Variants in MTMR7 observed in about 807,000 individuals in gnomAD.
MTMR7 encodes phosphatidylinositol-3-phosphate phosphatase MTMR7.
A neutral mutation model predicts 81.2 loss-of-function variants in MTMR7; 76 were observed. The ratio of observed to expected loss-of-function variants is 0.94; its 90% CI spans 0.78 to 1.13. The LOEUF is 1.13. MTMR7 is among the 50% of genes most tolerant of loss of function. The pLI, the probability that MTMR7 is intolerant of heterozygous loss-of-function variation, is 0.00. For synonymous variants in MTMR7, 372 were observed against 289.8 expected (o/e 1.28, Z -2.88); for missense variants, 1,044 against 820.0 (o/e 1.27, Z -3.34).
intron 9 of MTMR7, among the ~76,000 whole-genome samples, chr8:17,310,637 A>G (rs748002302): frequency 1.4e-4 from 22 of 152,300 alleles, no homozygotes; most frequent in Non-Finnish European, 1.0e-4. Flanking sequence ...CAATGCTATC[A>G]CAGGTAATTG....
Position 17,368,680 on chromosome 8 carries a change from G to A in MTMR7, c.310+2357C>T, listed in dbSNP as rs938172200. Among the ~76,000 whole-genome samples the A allele has an allele frequency of 5.3e-5, 8 of 152,282 alleles. 1 individual carries two copies. In the South Asian group the frequency reaches 1.7e-3, roughly 32 times the overall value. On this transcript the variant is annotated intron_variant, in intron 3 of 13. Transcript: ENST00000180173. The stretch of plus-strand genomic sequence containing the variant: ...TATAATATGCCCTAATGTTAGCAAT[G>A]CCTTTAACATTACACTGTGAACTGC...
chr8:17,358,467 T>C (rs1819962527), intron 4 of MTMR7, among the ~76,000 whole-genome samples: 2 of 152,190 alleles, frequency 1.3e-5, no homozygotes, highest in Admixed American at 6.5e-5. Flanking sequence ...TATTTTCACA[T>C]ACCTCTGTCA....
chr8:17,303,010 C>T (rs908389031), intron 12 of MTMR7, among the ~76,000 whole-genome samples: 1 of 151,964 alleles, frequency 6.6e-6, no homozygotes, highest in Non-Finnish European at 1.5e-5. Flanking sequence ...CACGCCTGAC[C>T]AATAAATCCC....
chr8:17,412,284 T>C (rs2157643), intron 1 of MTMR7, among the ~76,000 whole-genome samples: 7,597 of 152,144 alleles, frequency 0.05, 280 homozygotes, highest in Non-Finnish European at 0.075. Flanking sequence ...CCCTCTTAAA[T>C]GTGTGGGATC....
intron 3 of MTMR7, among the ~76,000 whole-genome samples, chr8:17,368,454 G>A (rs1308798902): frequency 6.6e-6 from 1 of 152,140 alleles, no homozygotes; most frequent in Non-Finnish European, 1.5e-5. Flanking sequence ...AGAATTCAAA[G>A]TACACCTCCC....
At chr8:17,343,503 G>T (rs1648082554) in intron 5 of MTMR7, among the ~76,000 whole-genome samples, 1 of 152,144 alleles carries the variant, frequency 6.6e-6, no homozygotes, top group African/African-American at 2.4e-5. Flanking sequence ...GTTAGATGGG[G>T]ATGGTAACAC....
intron 7 of MTMR7, among the ~76,000 whole-genome samples, chr8:17,328,166 G>C (rs1206051519): frequency 6.6e-6 from 1 of 152,176 alleles, no homozygotes; most frequent in Non-Finnish European, 1.5e-5. Flanking sequence ...TTGATTGGCA[G>C]AGGAGGAAGA....
intron 1 of MTMR7, among the ~76,000 whole-genome samples, chr8:17,397,804 G>A (rs962297799): frequency 1.3e-5 from 2 of 152,126 alleles, no homozygotes; most frequent in Admixed American, 1.3e-4. Context: ...CTGACCCAGT[G>A]TAGTCCCAGT....
chr8:17,357,056 A>G (rs566802521), intron 4 of MTMR7, among the ~76,000 whole-genome samples: 2 of 152,118 alleles, frequency 1.3e-5, no homozygotes, highest in Non-Finnish European at 2.9e-5. Flanking sequence ...ACAAAACACA[A>G]CCAACAAAAG....
At chr8:17,411,875 A>T (rs559433917) in intron 1 of MTMR7, among the ~76,000 whole-genome samples, 11 of 152,346 alleles carry the variant, frequency 7.2e-5, no homozygotes, top group African/African-American at 2.6e-4. Flanking sequence ...CTTGCTATCA[A>T]TATCCACAAC....
Position 17,300,005 on chromosome 8 carries a change from C to T in MTMR7, c.1840G>A (p.Asp614Asn), listed in dbSNP as rs1301330942. The T allele has an allele frequency of 6.2e-7, 1 of 1,614,042 alleles. No homozygotes were observed. The highest frequency in any genetic ancestry group is 1.3e-5 in the African/African-American group (1 of 74,934). The change falls in exon 14 of 14, where the codon GAT (aspartate) becomes AAT (asparagine). Residue 614 changes from aspartate (D) to asparagine (N), a missense_variant. Asp to Asn is a conservative substitution (Grantham distance 23, BLOSUM62 1). Transcript: ENST00000180173. The part of the protein sequence containing the change: ...ILTQDNLKSS[D>N]PDLSANSDQE... ...TCACTGTTGGCTGACAGATCTGGATCTGAACTTTTCAGATTGTCTTGGGTT... is the reference window on the plus strand; with the variant it reads ...TCACTGTTGGCTGACAGATCTGGATTTGAACTTTTCAGATTGTCTTGGGTT...
intron 1 of MTMR7, among the ~76,000 whole-genome samples, chr8:17,412,378 A>G (rs1821758286): frequency 2.0e-5 from 3 of 152,200 alleles, no homozygotes; most frequent in Non-Finnish European, 4.4e-5. Context: ...TCATCCTGCA[A>G]AAACGCAAGG....
rs1819643846 is a variant in MTMR7, at chr8:17,348,970, A to G, written c.580T>C (p.Tyr194His). 6.2e-7 allele frequency: 1 copy of G among 1,613,678 alleles called. No homozygotes were observed. Among genetic ancestry groups the G allele is most frequent in the African/African-American group, 1.3e-5 (1 of 74,726 alleles). The change falls in exon 5 of 14, where the codon TAT becomes CAT. Residue 194 changes from tyrosine to histidine, a missense_variant. Coordinates refer to ENST00000180173, the MANE Select transcript of MTMR7 (RefSeq NM_004686.5). ...SRRRFPVLSY[Y>H]YKDNHASICR... The stretch of plus-strand genomic sequence containing the variant: ...AGACTTACGTGGTTATCTTTATAAT[A>G]GTAAGAAAGGACAGGAAATCGCCGT...
intron 6 of MTMR7, 116 bp downstream of exon 6, chr8:17,341,247 A>G: frequency 7.3e-7 from 1 of 1,378,650 alleles, no homozygotes; most frequent in Non-Finnish European, 9.9e-7. Context: ...TGCCAAGAGG[A>G]ACCGCCCCTT....
intron 1 of MTMR7, among the ~76,000 whole-genome samples, chr8:17,397,240 C>A (rs1172618524): frequency 1.3e-5 from 2 of 151,958 alleles, no homozygotes; most frequent in African/African-American, 4.8e-5. Context: ...CTAGCTCAGC[C>A]ATAGCGGGAT....
chr8:17,413,189 G>A (rs1821784162), intron 1 of MTMR7, 80 bp downstream of exon 1: 14 of 1,481,368 alleles, frequency 9.5e-6, no homozygotes, highest in Non-Finnish European at 1.2e-5. Context: ...AAAGCAGTCG[G>A]CCTCCCGCGC....
At chr8:17,389,410 G>A (rs1821039063) in intron 1 of MTMR7, among the ~76,000 whole-genome samples, 1 of 152,112 alleles carries the variant, frequency 6.6e-6, no homozygotes, top group Non-Finnish European at 1.5e-5. Context: ...AGAACTGTGG[G>A]AAGAAAGGAA....
At chr8:17,400,025 C>G (rs963037460) in intron 1 of MTMR7, among the ~76,000 whole-genome samples, 2 of 152,030 alleles carry the variant, frequency 1.3e-5, no homozygotes, top group African/African-American at 4.8e-5. Flanking sequence ...ATGCTTTTCT[C>G]TAGGATTGTA....
intron 5 of MTMR7, among the ~76,000 whole-genome samples, chr8:17,342,978 G>A (rs1049608057): frequency 2.0e-5 from 3 of 152,006 alleles, no homozygotes; most frequent in African/African-American, 7.2e-5. Context: ...AGCTATGTCC[G>A]AAGACCAGAA....
Sources: gnomAD v4.1 joint callset for allele counts (sites outside exome capture counted in the v4.1 genomes callset) on GRCh38, gnomAD v4.1.1 for gene constraint, MANE v1.5 for transcripts, NCBI Gene and HGNC (gene_info 2026-07-23, HGNC 2026-07-21) for gene names.